Variants in ANKFN1 observed in about 807,000 individuals in gnomAD.
ANKFN1 encodes the protein ankyrin repeat and fibronectin type-III domain-containing protein 1.
A neutral mutation model predicts 108.7 loss-of-function variants in ANKFN1; 74 were observed. The observed-to-expected ratio is 0.68, with a 90% CI of 0.56 to 0.83. ANKFN1 has a LOEUF of 0.83. ANKFN1 is among the 40% of genes least tolerant of loss of function. ANKFN1 has a pLI of 0.00. For missense variants in ANKFN1, 1,505 were observed against 1,382.3 expected (o/e 1.09, Z -1.41); for synonymous variants, 547 against 516.2 (o/e 1.06, Z -0.81).
intron 1 of ANKFN1, among the ~76,000 whole-genome samples, chr17:56,193,737 A>G (rs1935211873): frequency 6.6e-6 from 1 of 152,256 alleles, no homozygotes; most frequent in Non-Finnish European, 1.5e-5. Context: ...TTTAAATGCA[A>G]TACCAAAGGC....
chr17:56,204,643 G>A (rs1350915150), intron 1 of ANKFN1, among the ~76,000 whole-genome samples: 1 of 152,132 alleles, frequency 6.6e-6, no homozygotes, highest in African/African-American at 2.4e-5. Flanking sequence ...GCCTGGCTCA[G>A]GCACTGTTTA....
chr17:56,477,792 T>TC, intron 16 of ANKFN1, 138 bp downstream of exon 16: 1 of 864,820 alleles, frequency 1.2e-6, no homozygotes, highest in Admixed American at 2.6e-5. Context: ...CACACTGAAG[T>TC]GGGGCAGAGC....
intron 3 of ANKFN1, among the ~76,000 whole-genome samples, chr17:56,279,027 T>C (rs906464906): frequency 1.4e-4 from 21 of 152,246 alleles, no homozygotes; most frequent in African/African-American, 4.8e-4. Flanking sequence ...ATATGTCCTT[T>C]AGTTTTTCTT....
chr17:56,340,807 G>T (rs2144618831), intron 4 of ANKFN1, among the ~76,000 whole-genome samples: 1 of 152,010 alleles, frequency 6.6e-6, no homozygotes, highest in East Asian at 1.9e-4. Context: ...GGTTTTATAT[G>T]AATTTTAAAA....
At chr17:56,257,409 A>G (rs1382620114) in intron 3 of ANKFN1, among the ~76,000 whole-genome samples, 1 of 152,234 alleles carries the variant, frequency 6.6e-6, no homozygotes, top group Non-Finnish European at 1.5e-5. Context: ...CTGGTTATTC[A>G]CTGGCCCTTC....
intron 20 of ANKFN1, among the ~76,000 whole-genome samples, chr17:56,509,247 T>C (rs1315712280): frequency 2.6e-5 from 4 of 152,224 alleles, no homozygotes; most frequent in Non-Finnish European, 5.9e-5. Flanking sequence ...AAACACAAGA[T>C]ACTTTCTCTC....
chr17:56,210,843 C>T (rs1914932536), intron 1 of ANKFN1, among the ~76,000 whole-genome samples: 1 of 152,158 alleles, frequency 6.6e-6, no homozygotes, highest in Non-Finnish European at 1.5e-5. Context: ...TAAGAATTCA[C>T]CATCACAAGA....
At chr17:56,378,905 T>C (rs1567957018) in intron 8 of ANKFN1, among the ~76,000 whole-genome samples, 1 of 152,240 alleles carries the variant, frequency 6.6e-6, no homozygotes, top group Non-Finnish European at 1.5e-5. Context: ...ACATCCTTAC[T>C]CATCCTACTT....
intron 1 of ANKFN1, among the ~76,000 whole-genome samples, chr17:56,192,563 CA>C: frequency 9.1e-5 from 1 of 10,944 alleles, no homozygotes. Flanking sequence ...AAGAAAAAAA[CA>C]AACAACCCCA....
At chr17:56,333,402 G>A (rs2045719552) in intron 4 of ANKFN1, among the ~76,000 whole-genome samples, 1 of 151,944 alleles carries the variant, frequency 6.6e-6, no homozygotes, top group Non-Finnish European at 1.5e-5. Context: ...TGCTTTTTAT[G>A]AATCCATAGA....
chr17:56,419,311 A>G (rs7215225), intron 8 of ANKFN1, among the ~76,000 whole-genome samples: 120,384 of 151,754 alleles, frequency 0.79, 48,018 homozygotes, highest in East Asian at 0.96. Flanking sequence ...GCGAAACCCC[A>G]TCTCTACTAA....
At chr17:56,413,387 C>A (rs944943965) in intron 8 of ANKFN1, among the ~76,000 whole-genome samples, 10 of 152,122 alleles carry the variant, frequency 6.6e-5, no homozygotes, top group African/African-American at 1.2e-4. Context: ...AGTTTGACTT[C>A]CTCTCCTCCT....
chr17:56,510,363 C>T (rs1251982231), intron 20 of ANKFN1, 110 bp from the exon 21 acceptor site: 2 of 949,014 alleles, frequency 2.1e-6, no homozygotes, highest in African/African-American at 1.7e-5. Context: ...GGGCATTAAA[C>T]GAAGCACAGG....
At chr17:56,108,591 G>A (rs1042247070) in intron 4 of ANKFN1, among the ~76,000 whole-genome samples, 2 of 152,192 alleles carry the variant, frequency 1.3e-5, no homozygotes, top group African/African-American at 4.8e-5. Flanking sequence ...TCACGGAGAG[G>A]TTAAGTAACT....
intron 4 of ANKFN1, among the ~76,000 whole-genome samples, chr17:56,340,673 T>C (rs2045937162): frequency 6.6e-6 from 1 of 152,078 alleles, no homozygotes; most frequent in African/African-American, 2.4e-5. Flanking sequence ...TCTCTGTTCT[T>C]GTGCCAGTAC....
intron 8 of ANKFN1, among the ~76,000 whole-genome samples, chr17:56,405,577 T>C (rs992239216): frequency 3.2e-4 from 48 of 152,314 alleles, no homozygotes; most frequent in African/African-American, 9.9e-4. Context: ...TAAAATAACA[T>C]GCACAAGAGT....
At chr17:56,469,946 C>T (rs1169864375) in intron 15 of ANKFN1, among the ~76,000 whole-genome samples, 2 of 152,046 alleles carry the variant, frequency 1.3e-5, no homozygotes, top group African/African-American at 4.8e-5. Flanking sequence ...CTCCCCTTGC[C>T]CCTACCAACA....
chr17:56,466,575 T>A lies in ANKFN1; in HGVS notation c.1773+4T>A, dbSNP rs1366129948. 1 of 1,597,344 alleles carries A rather than the reference T, an allele frequency of 6.3e-7. No homozygotes were observed. The highest frequency in any genetic ancestry group is 8.5e-7 in the Non-Finnish European group (1 of 1,171,132). On this transcript the variant is annotated splice_donor_region_variant and intron_variant, in intron 15 of 20. Transcript: ENST00000682825. ...CATTCTACTGATAACCATCCAGGTA[T>A]GTAGTTTTTTTCTTAATTCCCGGGT...
At chr17:56,174,019 G>A (rs1469301763) in intron 1 of ANKFN1, among the ~76,000 whole-genome samples, 1 of 152,184 alleles carries the variant, frequency 6.6e-6, no homozygotes, top group Non-Finnish European at 1.5e-5. Context: ...CTGAGTCCTG[G>A]GGCCAGGCAG....
Sources: gnomAD v4.1 joint callset for allele counts (sites outside exome capture counted in the v4.1 genomes callset) on GRCh38, gnomAD v4.1.1 for gene constraint, MANE v1.5 for transcripts, NCBI Gene and HGNC (gene_info 2026-07-23, HGNC 2026-07-21) for gene names.